The following RIMS2 variants were observed in gnomAD, a reference collection of about 807,000 sequenced individuals.
The protein encoded by RIMS2 is regulating synaptic membrane exocytosis 2, also known as regulating synaptic membrane exocytosis protein 2.
Under a neutral mutation model 174.4 loss-of-function variants are expected in RIMS2, and 59 were observed. The ratio of observed to expected loss-of-function variants is 0.34; its 90% CI spans 0.27 to 0.42. RIMS2 has a LOEUF of 0.42. Among genes scored for constraint, RIMS2 ranks in the 10% least tolerant of loss-of-function variants. RIMS2 has a pLI of 1.00. For synonymous variants in RIMS2, 606 were observed against 572.5 expected (o/e 1.06, Z -0.84); for missense variants, 1,620 against 1,666.3 (o/e 0.97, Z 0.48).
At chr8:103,696,966 ATTCTTT>A in intron 1 of RIMS2, 114 bp from the exon 4 acceptor site, 1 of 626,638 alleles carries the variant, frequency 1.6e-6, no homozygotes, top group Non-Finnish European at 2.9e-6. Context: ...TTAAATTTTC[ATTCTTT>A]TTATTCTCAT....
exon 16 of RIMS2, chr8:103,975,502 C>G (rs763968592): frequency 6.2e-7 from 1 of 1,611,510 alleles, no homozygotes; most frequent in Non-Finnish European, 8.5e-7. Context: ...CCCTCCTCCA[C>G]AAAGGTAAGA....
At chr8:103,940,892 A>C (rs970061042) in intron 13 of RIMS2, among the ~76,000 whole-genome samples, 1 of 148,652 alleles carries the variant, frequency 6.7e-6, no homozygotes, top group African/African-American at 2.4e-5. Flanking sequence ...AAAAAAAAAA[A>C]GCTAAAATCC....
chr8:104,158,738 T>C (rs2134521358), intron 19 of RIMS2, among the ~76,000 whole-genome samples: 1 of 152,278 alleles, frequency 6.6e-6, no homozygotes, highest in East Asian at 1.9e-4. Context: ...CACTTTCTGA[T>C]GGGGTTGTTT....
intron 14 of RIMS2, among the ~76,000 whole-genome samples, chr8:103,948,159 A>G (rs2084299800): frequency 6.6e-6 from 1 of 152,234 alleles, no homozygotes; most frequent in South Asian, 2.1e-4. Context: ...ACCCACTAGA[A>G]TGAATGTAAT....
intron 15 of RIMS2, among the ~76,000 whole-genome samples, chr8:103,971,146 T>A (rs930724934): frequency 6.6e-6 from 1 of 152,208 alleles, no homozygotes; most frequent in African/African-American, 2.4e-5. Flanking sequence ...CCTAGTCATG[T>A]ACAATTTTAG....
At chr8:103,556,637 G>A (rs1199438933) in intron 1 of RIMS2, among the ~76,000 whole-genome samples, 2 of 152,234 alleles carry the variant, frequency 1.3e-5, no homozygotes, top group African/African-American at 4.8e-5. Flanking sequence ...ATAATGCTGT[G>A]TCGAGATCAA....
chr8:103,852,029 A>C (rs1031672454), intron 3 of RIMS2, among the ~76,000 whole-genome samples: 2 of 151,976 alleles, frequency 1.3e-5, no homozygotes, highest in African/African-American at 4.8e-5. Flanking sequence ...CAGTTTCCGT[A>C]TTCTTCTCCC....
intron 1 of RIMS2, among the ~76,000 whole-genome samples, chr8:103,590,518 T>TA (rs1462100114): frequency 6.6e-6 from 1 of 151,226 alleles, no homozygotes; most frequent in African/African-American, 2.4e-5. Flanking sequence ...TCCAACAACT[T>TA]ACCATGAAAA....
chr8:103,790,988 A>G lies in RIMS2; in HGVS notation c.698+24451A>G, dbSNP rs535848790. 1.4e-3 allele frequency among the ~76,000 whole-genome samples: 212 copies of G among 152,300 alleles called. 3 individuals carry two copies. The highest frequency in any genetic ancestry group is 5.0e-3 in the African/African-American group (207 of 41,564). ...ACGGGGAGAATGGAACCAAGTTGGA[A>G]AACACTCTGCAGGATATTATCCAGG... On this transcript the variant is annotated intron_variant, in intron 3 of 23. Transcript: ENST00000504942.
At chr8:103,921,205 C>A (rs1424178925) in intron 9 of RIMS2, among the ~76,000 whole-genome samples, 1 of 152,114 alleles carries the variant, frequency 6.6e-6, no homozygotes, top group Non-Finnish European at 1.5e-5. Flanking sequence ...CCCCTCACTT[C>A]TTTCTGCCAG....
At chr8:104,036,957 G>A (rs753886876) in intron 19 of RIMS2, among the ~76,000 whole-genome samples, 3 of 152,016 alleles carry the variant, frequency 2.0e-5, no homozygotes, top group Non-Finnish European at 2.9e-5. Context: ...TTGAAAATAC[G>A]GCACCTAATT....
At chr8:103,793,955 A>AT (rs1358632662) in intron 3 of RIMS2, among the ~76,000 whole-genome samples, 1 of 152,210 alleles carries the variant, frequency 6.6e-6, no homozygotes, top group African/African-American at 2.4e-5. Context: ...ATGAAAGAAC[A>AT]TTCCATGCTC....
At chr8:104,090,197 G>GA (rs1207320726) in intron 19 of RIMS2, among the ~76,000 whole-genome samples, 2 of 151,628 alleles carry the variant, frequency 1.3e-5, no homozygotes, top group African/African-American at 2.4e-5. Context: ...ATAACGCTGT[G>GA]AAAAAAGGCA....
In RIMS2 at chr8:104,036,976, G is replaced by A. The variant is rs184780561; in HGVS notation, c.3334+22361G>A. The stretch of plus-strand genomic sequence containing the variant: ...AAATACGGCACCTAATTTAATAGAT[G>A]GCCATTTAATAGGTTGAAATTATTG... On this transcript the variant is annotated intron_variant, in intron 19 of 23. Transcript: ENST00000504942. Among the ~76,000 whole-genome samples the A allele has an allele frequency of 1.8e-3, 272 of 152,100 alleles. 1 individual carries two copies. Among genetic ancestry groups the A allele is most frequent in the Admixed American group, 3.5e-3 (54 of 15,244 alleles).
In RIMS2 at chr8:104,248,831, A is replaced by G. The variant is rs1016406627; in HGVS notation, c.3589+18A>G. On this transcript the variant is annotated intron_variant, in intron 21 of 23. Coordinates refer to ENST00000504942, the Ensembl canonical transcript of RIMS2. Reference sequence around the variant, plus strand: ...TGCAATGGGTAAGAATTTCTGCCACATGATTTCACTATTTTGTTTTAGATT... The same window carrying G: ...TGCAATGGGTAAGAATTTCTGCCACGTGATTTCACTATTTTGTTTTAGATT... The G allele has an allele frequency of 8.4e-6, 10 of 1,197,286 alleles. No individual in the cohort carries two copies. Among genetic ancestry groups the G allele is most frequent in the South Asian group, 1.2e-5 (1 of 82,318 alleles). The allele number at this position is 1,197,286 out of a possible 1,614,324, so 74.2% of individuals were successfully genotyped here. A position where few individuals can be genotyped will look rare whatever the true frequency, so the allele number is the denominator to read the frequency against.
chr8:103,791,932 A>T (rs1042136818), intron 3 of RIMS2, among the ~76,000 whole-genome samples: 1 of 152,116 alleles, frequency 6.6e-6, no homozygotes, highest in Admixed American at 6.6e-5. Flanking sequence ...AAGTCCTTAG[A>T]GACCTACAAA....
intron 1 of RIMS2, among the ~76,000 whole-genome samples, chr8:103,666,280 C>T (rs373329332): frequency 1.3e-5 from 2 of 152,176 alleles, no homozygotes; most frequent in South Asian, 4.1e-4. Flanking sequence ...AAGTTGCAGT[C>T]TGTTTATACA....
chr8:103,766,619 T>C, intron 3 of RIMS2, 82 bp downstream of exon 6: 1 of 907,382 alleles, frequency 1.1e-6, no homozygotes, highest in South Asian at 1.7e-5. Context: ...ATGAAATGTT[T>C]AGGCAATGGT....
chr8:103,706,201 A>G (rs1250587783), intron 2 of RIMS2, among the ~76,000 whole-genome samples: 1 of 152,164 alleles, frequency 6.6e-6, no homozygotes, highest in Non-Finnish European at 1.5e-5. Flanking sequence ...AGTGAAAACT[A>G]CACTTTAGCT....
Sources: allele counts gnomAD v4.1 joint callset (sites outside exome capture counted in the v4.1 genomes callset), GRCh38; gene constraint gnomAD v4.1.1; transcripts MANE v1.5; gene names NCBI Gene and HGNC (gene_info 2026-07-23, HGNC 2026-07-21).